The following CIT variants were observed in gnomAD, a reference collection of about 807,000 sequenced individuals.
CIT encodes citron rho-interacting serine/threonine kinase.
CIT carries 79 observed loss-of-function variants against 272.7 expected under a neutral mutation model. The observed-to-expected ratio is 0.29, with a 90% CI of 0.24 to 0.35. The LOEUF (loss-of-function observed/expected upper bound fraction) is 0.35, where lower values mean the gene tolerates loss of function less well. CIT is among the 10% of genes least tolerant of loss of function. The pLI is 1.00. For missense variants in CIT, 1,909 were observed against 2,618.3 expected, an observed-to-expected ratio of 0.73 and a Z score of 5.91; for synonymous variants, 948 against 995.6, an observed-to-expected ratio of 0.95 and a Z score of 0.90.
intron 10 of CIT, among the ~76,000 whole-genome samples, chr12:119,792,360 T>C (rs1054456596): frequency 5.3e-4 from 80 of 152,206 alleles, no homozygotes; most frequent in African/African-American, 1.9e-3. Flanking sequence ...GCACTAAAAA[T>C]ACATGCAACT....
intron 5 of CIT, among the ~76,000 whole-genome samples, chr12:119,849,953 T>C (rs1970095480): frequency 6.6e-6 from 1 of 152,236 alleles, no homozygotes; most frequent in Non-Finnish European, 1.5e-5. Flanking sequence ...CCCAAAATGC[T>C]GGGATTACAG....
At chr12:119,735,649 G>A (rs1267255570) in intron 24 of CIT, among the ~76,000 whole-genome samples, 6 of 152,176 alleles carry the variant, frequency 3.9e-5, no homozygotes, top group Non-Finnish European at 8.8e-5. Flanking sequence ...GACTTCGAAT[G>A]AGATCAAATT....
Position 119,758,656 on chromosome 12 carries a change from CCT to C in CIT, c.2464_2465del (p.Arg822AspfsTer6). The C allele has an allele frequency of 6.2e-7, 1 of 1,614,006 alleles. No individual in the cohort carries two copies. The highest frequency in any genetic ancestry group is 8.5e-7 in the Non-Finnish European group (1 of 1,179,866). On this transcript the variant is annotated frameshift_variant, in exon 21 of 48. Transcript: ENST00000392521. LOFTEE classifies it high-confidence loss of function. ...MDSKIRSLEQ[R>X]IVELSEANKL... ...TATTGGCTTCAGACAGTTCCACAAT[CCT>C]CTGTTCCAGGGATCTGATCTTGGAA...
At chr12:119,859,250 G>A (rs894179176) in intron 3 of CIT, among the ~76,000 whole-genome samples, 6 of 152,174 alleles carry the variant, frequency 3.9e-5, no homozygotes, top group African/African-American at 1.4e-4. Flanking sequence ...AAATCCGGCA[G>A]AAAGATGCCA....
In CIT at chr12:119,757,433, T is replaced by A; in HGVS notation, c.2644A>T (p.Ile882Phe). The A allele has an allele frequency of 6.2e-7, 1 of 1,614,194 alleles. No individual in the cohort carries two copies. Among genetic ancestry groups the A allele is most frequent in the African/African-American group, 1.3e-5 (1 of 75,046 alleles). ...NRKLEEQLEK[I>F]SHQDHSDKNR... ...TTGTCACTGTGGTCTTGGTGGCTGA[T>A]CTTCTCCAGCTGCTCCTCCAGTTTT... The change falls in exon 22 of 48, where the codon ATC (isoleucine) becomes TTC (phenylalanine). Residue 882 changes from isoleucine to phenylalanine, a missense_variant. By Grantham distance (21) the Ile-to-Phe change is conservative (BLOSUM62 0). This residue lies in a region of CIT where 530 missense variants were observed against 822.4 expected (regional missense o/e 0.64). Coordinates refer to ENST00000392521, the MANE Select transcript of CIT (RefSeq NM_001206999.2).
At chr12:119,803,162 T>C (rs1966347466) in intron 10 of CIT, 44 bp downstream of exon 10, 2 of 465,632 alleles carry the variant, frequency 4.3e-6, no homozygotes, top group African/African-American at 3.0e-5. Context: ...TCCAAAAGCC[T>C]TGCATCAATG....
chr12:119,862,849 C>CA lies in CIT; in HGVS notation c.239-5152dup, dbSNP rs112181745. ...AAAAAAAAAAAAAAAAAGAAAAAAC[C>CA]AAAAAAAAAAACGAGGTAGGACTTT... On this transcript the variant is annotated intron_variant, in intron 3 of 47. Transcript: ENST00000392521. 2.3e-3 allele frequency among the ~76,000 whole-genome samples: 152 copies of CA among 64,780 alleles called. 1 individual carries two copies. The highest frequency in any genetic ancestry group is 0.016 in the East Asian group (33 of 2,002). The allele number at this position is 64,780 out of a possible 152,430, so 42.5% of individuals were successfully genotyped here. A position where few individuals can be genotyped will look rare whatever the true frequency, so the allele number is the denominator to read the frequency against.
At position 119,853,203 on chromosome 12, in the gene CIT, TGTA is replaced by T. The variant is rs530239477; in HGVS notation, c.415-2931_415-2929del. ...TTAGCTGGGCATGGTGGAGTGCACC[TGTA>T]ATCAATCCCACCTACTCAGAAGCCT... On this transcript the variant is annotated intron_variant, in intron 4 of 47. Coordinates refer to ENST00000392521, the MANE Select transcript of CIT (RefSeq NM_001206999.2). Among the ~76,000 whole-genome samples the T allele has an allele frequency of 5.8e-3, 882 of 150,874 alleles. 9 individuals carry two copies. The highest frequency in any genetic ancestry group is 0.021 in the African/African-American group (836 of 40,572).
At position 119,772,832 on chromosome 12, in the gene CIT, C is replaced by G; in HGVS notation, c.2020G>C (p.Glu674Gln). The change falls in exon 17 of 48, where the codon GAG becomes CAG. Residue 674 changes from glutamate to glutamine, a missense_variant. Glu to Gln is a conservative substitution (Grantham distance 29). Around this residue, in one of 8 missense-constraint regions of CIT, gnomAD observed 530 missense variants for 822.4 expected, o/e 0.64. Coordinates refer to ENST00000392521, the MANE Select transcript of CIT (RefSeq NM_001206999.2). ...QAKERAEREL[E>Q]KLQNREDSSE... Reference sequence around the variant, plus strand: ...GAATCCTCTCGGTTCTGCAGCTTCTCCAGCTCCCTCTCGGCTCGCTCCTTT... The same window carrying G: ...GAATCCTCTCGGTTCTGCAGCTTCTGCAGCTCCCTCTCGGCTCGCTCCTTT... 1.2e-6 allele frequency: 2 copies of G among 1,614,064 alleles called. No homozygotes were observed. Among genetic ancestry groups the G allele is most frequent in the East Asian group, 2.2e-5 (1 of 44,870 alleles).
Position 119,770,858 on chromosome 12 carries a change from C to A in CIT, c.2135G>T (p.Arg712Leu). Residue 712 changes from arginine to leucine, a missense_variant, in exon 18 of 48, where the codon CGT (arginine) becomes CTT (leucine). By Grantham distance (102) the Arg-to-Leu change is moderately radical. This residue lies in a region of CIT where 530 missense variants were observed against 822.4 expected (regional missense o/e 0.64). Coordinates refer to ENST00000392521, the MANE Select transcript of CIT (RefSeq NM_001206999.2). The surrounding 1 kb of genome is among the most constrained non-coding windows in gnomAD (Gnocchi z 4.4). Reference protein sequence around the residue: ...NKVKRLETMERRENRLKDDIQ... With the variant: ...NKVKRLETMELRENRLKDDIQ... Reference sequence around the variant, plus strand: ...GTCATCCTTCAGTCTGTTTTCTCTACGCTCCATGGTCTCTAGTCTCTTTAC... The same window carrying A: ...GTCATCCTTCAGTCTGTTTTCTCTAAGCTCCATGGTCTCTAGTCTCTTTAC... 6.2e-7 allele frequency: 1 copy of A among 1,612,834 alleles called. No individual in the cohort carries two copies. Among genetic ancestry groups the A allele is most frequent in the East Asian group, 2.2e-5 (1 of 44,880 alleles).
intron 9 of CIT, among the ~76,000 whole-genome samples, chr12:119,816,042 A>AT (rs1334673447): frequency 6.6e-6 from 1 of 152,188 alleles, no homozygotes; most frequent in Non-Finnish European, 1.5e-5. Context: ...TGGACTAGTG[A>AT]TAGGACCTGC....
intron 3 of CIT, among the ~76,000 whole-genome samples, chr12:119,868,514 T>G (rs1378286621): frequency 6.6e-6 from 1 of 152,128 alleles, no homozygotes; most frequent in Non-Finnish European, 1.5e-5. Flanking sequence ...AACTCATTCC[T>G]GGATTTCTCA....
rs1212427717 is a variant in CIT, at chr12:119,752,396, C to T, written c.2707-149G>A. ...GCACTCGATAGAGGAGAGGAAAATG[C>T]AACAAAATGGGCCTGAGTTCCATGC... On this transcript the variant is annotated intron_variant, in intron 22 of 47. Transcript: ENST00000392521. The T allele has an allele frequency of 1.0e-5, 7 of 678,482 alleles. No individual in the cohort carries two copies. The East Asian group carries it at 1.4e-4, about 14-fold the overall frequency. The allele number at this position is 678,482 out of a possible 1,614,324, so 42.0% of individuals were successfully genotyped here. A position where few individuals can be genotyped will look rare whatever the true frequency, so the allele number is the denominator to read the frequency against.
intron 9 of CIT, among the ~76,000 whole-genome samples, chr12:119,822,323 A>G (rs1226522373): frequency 6.6e-5 from 10 of 152,252 alleles, no homozygotes; most frequent in Non-Finnish European, 1.5e-5. Flanking sequence ...TACTGTGCAT[A>G]TACATTATAG....
chr12:119,841,082 T>A (rs954100058), intron 5 of CIT, among the ~76,000 whole-genome samples: 7 of 152,118 alleles, frequency 4.6e-5, no homozygotes. Context: ...AGAAGTATAA[T>A]GCCTTGAGTA....
At chr12:119,762,595 C>T (rs185118925) in intron 19 of CIT, among the ~76,000 whole-genome samples, 13 of 152,252 alleles carry the variant, frequency 8.5e-5, no homozygotes, top group Admixed American at 5.2e-4. Context: ...AATATCTAGA[C>T]CACATATGCC....
At chr12:119,754,787 C>G (rs1055478860) in intron 22 of CIT, among the ~76,000 whole-genome samples, 6 of 152,190 alleles carry the variant, frequency 3.9e-5, no homozygotes, top group African/African-American at 1.4e-4. Flanking sequence ...TTTGAAGTTT[C>G]TCTTACCATC....
At chr12:119,857,309 A>G (rs1054748337) in intron 4 of CIT, among the ~76,000 whole-genome samples, 2 of 152,252 alleles carry the variant, frequency 1.3e-5, no homozygotes, top group African/African-American at 2.4e-5. Flanking sequence ...AACATGATAC[A>G]TCAAGAGGAA....
intron 26 of CIT, among the ~76,000 whole-genome samples, chr12:119,733,129 A>G (rs1325606171): frequency 6.6e-6 from 1 of 152,138 alleles, no homozygotes; most frequent in Non-Finnish European, 1.5e-5. Context: ...CTGTGGCCCC[A>G]CAGGAAGGGA....
Sources: gnomAD v4.1 joint callset for allele counts (sites outside exome capture counted in the v4.1 genomes callset) on GRCh38, gnomAD v4.1.1 for gene constraint, gnomAD v4.1.1 regional missense constraint, Gnocchi (gnomAD v3.1) non-coding constraint, MANE v1.5 for transcripts, NCBI Gene and HGNC (gene_info 2026-07-23, HGNC 2026-07-21) for gene names.